The following ST6GALNAC1 variants were observed in gnomAD, a reference collection of about 807,000 sequenced individuals.
ST6GALNAC1 encodes ST6 N-acetylgalactosaminide alpha-2,6-sialyltransferase 1.
A neutral mutation model predicts 56.8 loss-of-function variants in ST6GALNAC1; 45 were observed. The ratio of observed to expected loss-of-function variants is 0.79; its 90% CI spans 0.62 to 1.02. The LOEUF (loss-of-function observed/expected upper bound fraction) is 1.02. Among genes scored for constraint, ST6GALNAC1 ranks in the 50% least tolerant of loss-of-function variants. The pLI is 0.00. For missense variants in ST6GALNAC1, 743 were observed against 754.8 expected (o/e 0.98, Z 0.18); for synonymous variants, 295 against 297.8 (o/e 0.99, Z 0.10).
intron 2 of ST6GALNAC1, among the ~76,000 whole-genome samples, chr17:76,628,476 G>T (rs924646750): frequency 2.0e-5 from 3 of 152,254 alleles, no homozygotes; most frequent in Admixed American, 6.5e-5. Flanking sequence ...CCTCTGCAAG[G>T]ACAGGTGAGA....
chr17:76,620,055 T>C (rs746920334), downstream of ST6GALNAC1, among the ~76,000 whole-genome samples: 23 of 150,576 alleles, frequency 1.5e-4, no homozygotes, highest in Non-Finnish European at 2.4e-4. Flanking sequence ...TTTTAAAAAT[T>C]TTTTATACAG....
intron 1 of ST6GALNAC1, among the ~76,000 whole-genome samples, chr17:76,642,249 A>G (rs555025690): frequency 1.3e-3 from 199 of 149,218 alleles, no homozygotes; most frequent in African/African-American, 4.7e-3. Context: ...TCTATCATCT[A>G]TCTATCGGGC....
the ST6GALNAC1 span, among the ~76,000 whole-genome samples, chr17:76,617,581 C>G: frequency 6.6e-6 from 1 of 151,984 alleles, no homozygotes; most frequent in Non-Finnish European, 1.5e-5. Flanking sequence ...AGGTTTAAAA[C>G]AAATATAGTG....
At chr17:76,628,421 G>A (rs2075843312) in intron 2 of ST6GALNAC1, among the ~76,000 whole-genome samples, 1 of 152,034 alleles carries the variant, frequency 6.6e-6, no homozygotes, top group Admixed American at 6.6e-5. Context: ...GGGACTACAG[G>A]CATATGCCAC....
intron 1 of ST6GALNAC1, among the ~76,000 whole-genome samples, chr17:76,640,221 G>A (rs779230324): frequency 1.8e-4 from 27 of 152,068 alleles, no homozygotes; most frequent in Non-Finnish European, 2.5e-4. Context: ...CCCTCCCACC[G>A]GGAAGTGCTG....
Position 76,624,868 on chromosome 17 carries a change from A to G in ST6GALNAC1, c.*462T>C. The G allele has an allele frequency of 6.0e-6, 1 of 165,418 alleles. No homozygotes were observed. The highest frequency in any genetic ancestry group is 1.6e-4 in the South Asian group (1 of 6,204). The allele number at this position is 165,418 out of a possible 1,614,324, so 10.2% of individuals were successfully genotyped here. A position where few individuals can be genotyped will look rare whatever the true frequency, so the allele number is the denominator to read the frequency against. On this transcript the variant is annotated 3_prime_UTR_variant, in exon 9 of 9. Coordinates refer to ENST00000156626, the MANE Select transcript of ST6GALNAC1 (RefSeq NM_018414.5). ...GTCAAATAGCTTAAAGACAAGGACA[A>G]GTATAGACCCTTCTAGAATCAGATA...
chr17:76,626,092 G>A lies in ST6GALNAC1; in HGVS notation c.1419C>T (p.His473=), dbSNP rs1199255798. 7 of 1,614,020 alleles carry A rather than the reference G, an allele frequency of 4.3e-6. No individual in the cohort carries two copies. Among genetic ancestry groups the A allele is most frequent in the Non-Finnish European group, 5.9e-6 (7 of 1,180,016 alleles). Residue 473 remains histidine (H), a synonymous_variant, in exon 7 of 9, where the codon CAC becomes CAT. Coordinates refer to ENST00000156626, the MANE Select transcript of ST6GALNAC1 (RefSeq NM_018414.5). ...CTTCCCGAAAAGCTTCCTGGGGTCT[G>A]TGCCTGTGGTTAGGAAGGGGTCATT... ...VMSKNLFWFR[H]RPQEAFREAL...
chr17:76,637,783 G>C, intron 1 of ST6GALNAC1: 1 of 398,668 alleles, frequency 2.5e-6, no homozygotes, highest in Non-Finnish European at 4.4e-6. Context: ...CTGAAGCTTG[G>C]TGGATGGGAG....
intron 1 of ST6GALNAC1, among the ~76,000 whole-genome samples, chr17:76,639,530 G>A (rs1330591280): frequency 2.0e-5 from 3 of 152,026 alleles, no homozygotes; most frequent in South Asian, 2.1e-4. Flanking sequence ...AGCCAAGATC[G>A]CGCCACTGCA....
rs2075808120 is a variant in ST6GALNAC1, at chr17:76,626,903, TCTCGAGAGCCCAGG to T, written c.1173-128_1173-115del. 2.7e-6 allele frequency: 4 copies of T among 1,504,662 alleles called. No homozygotes were observed. The East Asian group carries it at 9.1e-5, about 34-fold the overall frequency. The allele number at this position is 1,504,662 out of a possible 1,614,324, so 93.2% of individuals were successfully genotyped here. A position where few individuals can be genotyped will look rare whatever the true frequency, so the allele number is the denominator to read the frequency against. ...AGGCAGCAGTTATGTGCGGAAATTC[TCTCGAGAGCCCAGG>T]AATTCCACCTTCCAGATGCAGGCGT... is the stretch of plus-strand genomic sequence containing the variant. On this transcript the variant is annotated intron_variant, in intron 4 of 8. Coordinates refer to ENST00000156626, the MANE Select transcript of ST6GALNAC1 (RefSeq NM_018414.5).
At chr17:76,641,104 T>C (rs1456529132) in intron 1 of ST6GALNAC1, among the ~76,000 whole-genome samples, 2 of 152,190 alleles carry the variant, frequency 1.3e-5, no homozygotes, top group Non-Finnish European at 2.9e-5. Flanking sequence ...TCGTAAAACA[T>C]ATTTTTCCTT....
intron 1 of ST6GALNAC1, among the ~76,000 whole-genome samples, chr17:76,631,063 C>CTGTG (rs1331837039): frequency 0.014 from 1,007 of 74,444 alleles, 14 homozygotes; most frequent in African/African-American, 0.047. Context: ...CCCAGCTAAT[C>CTGTG]TCTGTGTGTG....
intron 1 of ST6GALNAC1, among the ~76,000 whole-genome samples, chr17:76,630,063 C>T (rs899272778): frequency 1.3e-5 from 2 of 151,958 alleles, no homozygotes; most frequent in Non-Finnish European, 2.9e-5. Context: ...TGGGATGACA[C>T]GTGTGAGCCA....
chr17:76,629,781 TTG>T, intron 1 of ST6GALNAC1, 70 bp from the exon 2 acceptor site: 25 of 1,203,258 alleles, frequency 2.1e-5, no homozygotes, highest in Middle Eastern at 2.0e-4. Context: ...AAGTAGTTTT[TTG>T]TTTTTTTTTT....
At chr17:76,618,912 C>T in the ST6GALNAC1 span, among the ~76,000 whole-genome samples, 702 of 152,276 alleles carry the variant, frequency 4.6e-3, 7 homozygotes, top group African/African-American at 0.016. Flanking sequence ...CCACTGCACT[C>T]CAGACTGGAT....
Position 76,643,572 on chromosome 17 carries a change from C to T in ST6GALNAC1, c.67G>A (p.Val23Ile), listed in dbSNP as rs756247142. 4 of 1,614,030 alleles carry T rather than the reference C, an allele frequency of 2.5e-6. No individual in the cohort carries two copies. Among genetic ancestry groups the T allele is most frequent in the Admixed American group, 1.7e-5 (1 of 60,000 alleles). Reference protein sequence around the residue: ...QGVQWSLLLAVLVFFLFALPS... With the variant: ...QGVQWSLLLAILVFFLFALPS... Reference sequence around the variant, plus strand: ...AAGGCGAAGAGAAAGAAGACCAGGACAGCCAGAAGCAAGGACCACTGGACG... The same window carrying T: ...AAGGCGAAGAGAAAGAAGACCAGGATAGCCAGAAGCAAGGACCACTGGACG... Residue 23 changes from valine to isoleucine, a missense_variant, in exon 1 of 9, where the codon GTC becomes ATC. By Grantham distance (29) the Val-to-Ile change is conservative. Transcript: ENST00000156626.
rs202151074 is a variant in ST6GALNAC1 at position 76,626,004 on chromosome 17, A to G, written c.1505+2T>C. On this transcript the variant is annotated splice_donor_variant, in intron 7 of 8. Coordinates refer to ENST00000156626, the MANE Select transcript of ST6GALNAC1 (RefSeq NM_018414.5). LOFTEE classifies it high-confidence loss of function. ...TACGTGTCACGTGCTTTCTGCTCTA[A>G]CCTGTTCTTCATGTATCGGAGAAAG... The G allele has an allele frequency of 6.9e-5, 112 of 1,613,826 alleles. No homozygotes were observed. Among genetic ancestry groups the G allele is most frequent in the Non-Finnish European group, 8.2e-5 (97 of 1,179,924 alleles).
chr17:76,642,525 A>T (rs2076062033), intron 1 of ST6GALNAC1, among the ~76,000 whole-genome samples: 1 of 152,174 alleles, frequency 6.6e-6, no homozygotes, highest in Admixed American at 6.5e-5. Context: ...CACCTTGAAG[A>T]GTGGATAGAG....
At position 76,643,536 on chromosome 17, in the gene ST6GALNAC1, TAAAAG is replaced by T. The variant is rs781681325; in HGVS notation, c.98_102del (p.Ser33TyrfsTer2). 11 of 1,613,980 alleles carry T rather than the reference TAAAAG, an allele frequency of 6.8e-6. No homozygotes were observed. Among genetic ancestry groups the T allele is most frequent in the Non-Finnish European group, 8.5e-6 (10 of 1,179,946 alleles). On this transcript the variant is annotated frameshift_variant, in exon 1 of 9. Transcript: ENST00000156626. LOFTEE classifies it high-confidence loss of function. ...GAAGGCTTTGTTTGAGGCTCCTTAATAAAAGAGGGCAAGGCGAAGAGAAAGAAGAC... is the reference window on the plus strand; with the variant it reads ...GAAGGCTTTGTTTGAGGCTCCTTAATAGGGCAAGGCGAAGAGAAAGAAGAC...
Sources: gnomAD v4.1 joint callset for allele counts (sites outside exome capture counted in the v4.1 genomes callset) on GRCh38, gnomAD v4.1.1 for gene constraint, MANE v1.5 for transcripts, NCBI Gene and HGNC (gene_info 2026-07-23, HGNC 2026-07-21) for gene names.